Variants in AHRR observed in about 807,000 individuals in gnomAD.
AHRR encodes the protein ahR repressor.
A neutral mutation model predicts 44.0 loss-of-function variants in AHRR; 28 were observed. The observed-to-expected ratio is 0.64, with a 90% CI of 0.47 to 0.87. The LOEUF is 0.87. Among genes scored for constraint, AHRR ranks in the 40% least tolerant of loss-of-function variants. The pLI is 0.00. For missense variants in AHRR, 990 were observed against 953.9 expected (o/e 1.04, Z -0.50); for synonymous variants, 434 against 407.0 (o/e 1.07, Z -0.80).
At chr5:423,140 G>A (rs550199094) in intron 6 of AHRR, among the ~76,000 whole-genome samples, 24 of 152,238 alleles carry the variant, frequency 1.6e-4, no homozygotes, top group African/African-American at 5.1e-4. Flanking sequence ...ACCTCACCAC[G>A]AGCTGCAGTC....
At chr5:399,773 G>A (rs886340976) in intron 4 of AHRR, among the ~76,000 whole-genome samples, 3 of 152,330 alleles carry the variant, frequency 2.0e-5, no homozygotes, top group African/African-American at 7.2e-5. Context: ...CCTGGGGGCC[G>A]CCATCTGCCT....
chr5:397,967 A>ATGT (rs1734819774), intron 4 of AHRR, among the ~76,000 whole-genome samples: 8 of 41,726 alleles, frequency 1.9e-4, no homozygotes, highest in African/African-American at 1.0e-3. Context: ...GACCATCCAC[A>ATGT]TAGCTCCTGA....
Position 404,297 on chromosome 5 carries a change from C to A in AHRR, c.352-9047C>A. Reference sequence around the variant, plus strand: ...CTTCTCATCAAACATGTGAATAATTCGCTAATTTTTCTTCCAGTGTTACTA... The same window carrying A: ...CTTCTCATCAAACATGTGAATAATTAGCTAATTTTTCTTCCAGTGTTACTA... On this transcript the variant is annotated intron_variant, in intron 4 of 10. Transcript: ENST00000684583. This position sits in a 1 kb window ranked among gnomAD's most constrained non-coding sequence, Gnocchi z 4.1. 2.0e-6 allele frequency: 1 copy of A among 490,346 alleles called. No homozygotes were observed. Among genetic ancestry groups the A allele is most frequent in the Non-Finnish European group, 4.1e-6 (1 of 245,818 alleles). 30.4% of individuals were successfully genotyped at this position (490,346 alleles called of 1,614,324 possible). A position where few individuals can be genotyped will look rare whatever the true frequency, so the allele number is the denominator to read the frequency against.
At position 427,842 on chromosome 5, in the gene AHRR, T is replaced by C. The variant is rs963825697; in HGVS notation, c.744T>C (p.Phe248=). 2 of 1,614,188 alleles carry C rather than the reference T, an allele frequency of 1.2e-6. No individual in the cohort carries two copies. The highest frequency in any genetic ancestry group is 2.2e-5 in the East Asian group (1 of 44,882). ...TTCAAGGAAAACTAAAATTCCTGTTTGGACAGAAGAAGAAGGCGCCGTCAG... is the reference window on the plus strand; with the variant it reads ...TTCAAGGAAAACTAAAATTCCTGTTCGGACAGAAGAAGAAGGCGCCGTCAG... ...MQFQGKLKFL[F]GQKKKAPSGA... The change falls in exon 8 of 11, where the codon TTT becomes TTC. Residue 248 remains phenylalanine, a synonymous_variant. Coordinates refer to ENST00000684583, the MANE Select transcript of AHRR (RefSeq NM_001377236.1).
At chr5:430,502 C>G (rs1471501835) in intron 8 of AHRR, among the ~76,000 whole-genome samples, 2 of 152,224 alleles carry the variant, frequency 1.3e-5, no homozygotes, top group East Asian at 3.9e-4. Context: ...GGACGCCCTG[C>G]TCAGTGTCCA....
chr5:423,085 G>A (rs1021872402), intron 6 of AHRR, among the ~76,000 whole-genome samples: 1 of 152,136 alleles, frequency 6.6e-6, no homozygotes, highest in African/African-American at 2.4e-5. Flanking sequence ...ACTCCTGGTT[G>A]CTTTCCTGGG....
chr5:421,709 C>G (rs928067516), intron 5 of AHRR, among the ~76,000 whole-genome samples: 1 of 152,140 alleles, frequency 6.6e-6, no homozygotes, highest in African/African-American at 2.4e-5. Context: ...GAGGCACAGA[C>G]AGAGTCCAGC....
chr5:421,238 C>T (rs1324209774), intron 5 of AHRR: 6 of 693,372 alleles, frequency 8.7e-6, no homozygotes, highest in East Asian at 2.8e-5. Flanking sequence ...ACGCCCACCC[C>T]GCGGTTCAGC....
At chr5:389,668 C>G (rs190090352) in intron 4 of AHRR, among the ~76,000 whole-genome samples, 139 of 152,108 alleles carry the variant, frequency 9.1e-4, no homozygotes, top group Middle Eastern at 3.4e-3. Flanking sequence ...CTGCACGCCT[C>G]CACCACAAGG....
intron 5 of AHRR, among the ~76,000 whole-genome samples, chr5:414,732 A>G (rs1182101737): frequency 6.6e-6 from 1 of 152,274 alleles, no homozygotes; most frequent in African/African-American, 2.4e-5. Flanking sequence ...TATGATGAAA[A>G]AAGAACAGGT....
In AHRR at chr5:321,832, G is replaced by A. The variant is rs956173337; in HGVS notation, c.-11+13G>A. Reference sequence around the variant, plus strand: ...CCGCAGGCCCTGGGTAAGTGTCCTGGGCGCCCCCGCAGGCCCCCGCCGCGT... The same window carrying A: ...CCGCAGGCCCTGGGTAAGTGTCCTGAGCGCCCCCGCAGGCCCCCGCCGCGT... On this transcript the variant is annotated intron_variant, in intron 1 of 10. Coordinates refer to ENST00000684583, the MANE Select transcript of AHRR (RefSeq NM_001377236.1). This position sits in a 1 kb window ranked among gnomAD's most constrained non-coding sequence, Gnocchi z 8.3. 1 of 152,040 alleles carries A rather than the reference G, an allele frequency of 6.6e-6. No individual in the cohort carries two copies. Among genetic ancestry groups the A allele is most frequent in the East Asian group, 1.9e-4 (1 of 5,160 alleles). 9.4% of individuals were successfully genotyped at this position (152,040 alleles called of 1,614,324 possible). A position where few individuals can be genotyped will look rare whatever the true frequency, so the allele number is the denominator to read the frequency against.
In AHRR at chr5:434,411, C is replaced by T. The variant is rs778138970; in HGVS notation, c.1671C>T (p.Ala557=). 2.5e-6 allele frequency: 4 copies of T among 1,613,272 alleles called. No homozygotes were observed. The highest frequency in any genetic ancestry group is 3.4e-6 in the Non-Finnish European group (4 of 1,179,958). The change falls in exon 11 of 11, where the codon GCC becomes GCT. Residue 557 remains alanine (A), a synonymous_variant. Transcript: ENST00000684583. ...GCVPSQVWLG[A]SDRSHPATFP... ...TGCCCAGCCAGGTGTGGCTGGGGGC[C>T]AGTGACAGGAGCCACCCAGCCACCT... is the stretch of plus-strand genomic sequence containing the variant.
chr5:413,596 A>G (rs985271164), intron 5 of AHRR, among the ~76,000 whole-genome samples, 163 bp downstream of exon 5: 2 of 152,314 alleles, frequency 1.3e-5, no homozygotes, highest in East Asian at 1.9e-4. Flanking sequence ...TGTCTAGGGC[A>G]GTGTTTCTTC....
chr5:387,448 G>A lies in AHRR; in HGVS notation c.351+10732G>A, dbSNP rs1358905055. Among the ~76,000 whole-genome samples, 1 of 152,234 alleles carries A rather than the reference G, an allele frequency of 6.6e-6. No homozygotes were observed. Among genetic ancestry groups the A allele is most frequent in the South Asian group, 2.1e-4 (1 of 4,830 alleles). On this transcript the variant is annotated intron_variant, in intron 4 of 10. Transcript: ENST00000684583. This position sits in a 1 kb window ranked among gnomAD's most constrained non-coding sequence, Gnocchi z 5.1. ...CTTCTTGTACAGCAGGGACCCCATT[G>A]TGGGGGTCCTCCATCCACAGGGACG... is the stretch of plus-strand genomic sequence containing the variant.
chr5:361,183 T>C (rs915784527), intron 3 of AHRR, among the ~76,000 whole-genome samples: 1 of 152,136 alleles, frequency 6.6e-6, no homozygotes, highest in Non-Finnish European at 1.5e-5. Flanking sequence ...GAGGTTGCAG[T>C]GAGCCGAGAT....
At chr5:424,009 C>T (rs371576299) in intron 7 of AHRR, 32 bp downstream of exon 7, 108 of 1,583,160 alleles carry the variant, frequency 6.8e-5, no homozygotes, top group Non-Finnish European at 8.4e-5. Context: ...AGGGGGCTCC[C>T]GACATCTGGG....
chr5:422,902 G>A (rs376338256), intron 6 of AHRR, 44 bp downstream of exon 6: 3 of 1,568,102 alleles, frequency 1.9e-6, no homozygotes, highest in East Asian at 2.3e-5. Flanking sequence ...CCTAAAGCAG[G>A]TCCCATAACA....
chr5:433,862 G>C lies in AHRR; in HGVS notation c.1122G>C (p.Glu374Asp). 6.7e-7 allele frequency: 1 copy of C among 1,495,192 alleles called. No homozygotes were observed. Among genetic ancestry groups the C allele is most frequent in the Middle Eastern group, 2.2e-4 (1 of 4,514 alleles). 92.6% of individuals were successfully genotyped at this position (1,495,192 alleles called of 1,614,324 possible). ...CGTCTTTTCTCTGCAGGGACAGGGA[G>C]GAGGAGCAGCACAGGATGCTGAGCA... ...LDPKGGSGDR[E>D]EEQHRMLSRA... Residue 374 changes from glutamate to aspartate, a missense_variant, in exon 11 of 11, where the codon GAG becomes GAC. Physicochemically the swap from Glu to Asp is conservative, Grantham distance 45 (BLOSUM62 2). Transcript: ENST00000684583.
Position 429,328 on chromosome 5 carries a change from G to A in AHRR, c.908+1322G>A, listed in dbSNP as rs531100248. Among the ~76,000 whole-genome samples the A allele has an allele frequency of 2.0e-5, 3 of 151,932 alleles. No individual in the cohort carries two copies. The South Asian group carries it at 6.2e-4, about 32-fold the overall frequency. Reference sequence around the variant, plus strand: ...TCTTGCAGGAGTGAGGTAGGGCCGGGGCCGCCAGGATGCCGGAGATCCAAC... The same window carrying A: ...TCTTGCAGGAGTGAGGTAGGGCCGGAGCCGCCAGGATGCCGGAGATCCAAC... On this transcript the variant is annotated intron_variant, in intron 8 of 10. Transcript: ENST00000684583.
Sources: gnomAD v4.1 joint callset for allele counts (sites outside exome capture counted in the v4.1 genomes callset) on GRCh38, gnomAD v4.1.1 for gene constraint, Gnocchi (gnomAD v3.1) non-coding constraint, MANE v1.5 for transcripts, NCBI Gene and HGNC (gene_info 2026-07-23, HGNC 2026-07-21) for gene names.